The following SNTG1 variants were observed in gnomAD, a reference collection of about 807,000 sequenced individuals.
The protein encoded by SNTG1 is gamma-1-syntrophin.
Under a neutral mutation model 74.7 loss-of-function variants are expected in SNTG1, and 39 were observed. The observed-to-expected ratio is 0.52, with a 90% CI of 0.40 to 0.68. The LOEUF is 0.68. SNTG1 is among the 30% of genes least tolerant of loss of function. The probability of loss-of-function intolerance (pLI) is 0.00; values close to 1 mark genes in which losing one functional copy is unlikely to be tolerated. For synonymous variants in SNTG1, 254 were observed against 217.1 expected (o/e 1.17, Z -1.49); for missense variants, 685 against 609.5 (o/e 1.12, Z -1.30).
intron 1 of SNTG1, among the ~76,000 whole-genome samples, chr8:49,916,676 G>T (rs1188325121): frequency 1.3e-5 from 2 of 151,994 alleles, no homozygotes; most frequent in East Asian, 3.9e-4. Context: ...TTTAGAAATG[G>T]TGCCAAAATT....
chr8:50,696,207 C>T (rs553868105), intron 15 of SNTG1, among the ~76,000 whole-genome samples: 1 of 152,082 alleles, frequency 6.6e-6, no homozygotes, highest in African/African-American at 2.4e-5. Context: ...TTGAATTTAT[C>T]TTATGATTGG....
rs1227306620 is a variant in SNTG1, at chr8:50,214,431, T to TA, written c.-28+41802dup. 2.0e-5 allele frequency among the ~76,000 whole-genome samples: 3 copies of TA among 151,654 alleles called. 1 individual carries two copies. The South Asian group carries it at 6.2e-4, about 31-fold the overall frequency. On this transcript the variant is annotated intron_variant, in intron 2 of 18. Coordinates refer to ENST00000642720, the MANE Select transcript of SNTG1 (RefSeq NM_018967.5). ...AATAATAATAAAATAAAAATAAAAA[T>TA]AAAAAATGAAAAAAATCAAAATTTT...
intron 12 of SNTG1, among the ~76,000 whole-genome samples, chr8:50,580,209 T>C (rs571301835): frequency 6.6e-6 from 1 of 152,344 alleles, no homozygotes. Context: ...TTTAGCCCCT[T>C]TGTTTTGACA....
intron 3 of SNTG1, among the ~76,000 whole-genome samples, chr8:50,401,225 T>G (rs574105326): frequency 9.2e-5 from 14 of 152,294 alleles, no homozygotes; most frequent in Non-Finnish European, 1.5e-5. Flanking sequence ...TCCTATGGAC[T>G]TTTTGGTGCC....
chr8:50,614,647 T>C (rs2094874416), intron 13 of SNTG1, among the ~76,000 whole-genome samples: 1 of 152,262 alleles, frequency 6.6e-6, no homozygotes, highest in Admixed American at 6.5e-5. Flanking sequence ...CATGAGTAAA[T>C]TTTAATTATA....
chr8:50,601,814 G>A (rs913289234), intron 13 of SNTG1, among the ~76,000 whole-genome samples: 10 of 152,022 alleles, frequency 6.6e-5, no homozygotes, highest in Admixed American at 2.6e-4. Flanking sequence ...GGTACTGGGT[G>A]CATATGTAAT....
At position 50,442,856 on chromosome 8, in the gene SNTG1, C is replaced by T. The variant is rs963315244; in HGVS notation, c.219+4257C>T. Among the ~76,000 whole-genome samples the T allele has an allele frequency of 6.6e-5, 10 of 152,224 alleles. No homozygotes were observed. In the South Asian group the frequency reaches 1.0e-3, roughly 16 times the overall value. ...TCAGGCAGAAACTGCTCCTTTGAAG[C>T]GGGCAGATTCAGCAGGCTAGTGGCA... On this transcript the variant is annotated intron_variant, in intron 5 of 18. Transcript: ENST00000642720.
intron 2 of SNTG1, among the ~76,000 whole-genome samples, chr8:50,216,584 A>G (rs2084803312): frequency 6.6e-6 from 1 of 152,072 alleles, no homozygotes; most frequent in Non-Finnish European, 1.5e-5. Flanking sequence ...TTTGCTTTAG[A>G]TTTTATCTGA....
At chr8:50,662,638 G>A (rs1159705873) in intron 15 of SNTG1, among the ~76,000 whole-genome samples, 5 of 152,132 alleles carry the variant, frequency 3.3e-5, no homozygotes, top group South Asian at 2.1e-4. Flanking sequence ...GTCTCTCAGC[G>A]TAAATATTGA....
At chr8:50,233,330 T>C (rs938912601) in intron 2 of SNTG1, among the ~76,000 whole-genome samples, 1 of 151,544 alleles carries the variant, frequency 6.6e-6, no homozygotes. Context: ...TTTCAAAAAA[T>C]GGTGCTGGTA....
chr8:50,540,213 A>T (rs2094336572), intron 11 of SNTG1, among the ~76,000 whole-genome samples: 1 of 152,182 alleles, frequency 6.6e-6, no homozygotes, highest in African/African-American at 2.4e-5. Flanking sequence ...ATATTCATGT[A>T]TTTTAAAAAA....
chr8:50,668,041 A>T (rs2095259117), intron 15 of SNTG1, among the ~76,000 whole-genome samples: 1 of 152,056 alleles, frequency 6.6e-6, no homozygotes. Context: ...CGTTCTGTCT[A>T]TGAACATGCC....
At chr8:50,615,071 T>C (rs1209801261) in intron 13 of SNTG1, among the ~76,000 whole-genome samples, 1 of 151,620 alleles carries the variant, frequency 6.6e-6, no homozygotes, top group Non-Finnish European at 1.5e-5. Flanking sequence ...GCCTCCCGAG[T>C]AGCTAGGACT....
intron 1 of SNTG1, among the ~76,000 whole-genome samples, chr8:50,109,544 T>C (rs968259914): frequency 6.6e-6 from 1 of 152,174 alleles, no homozygotes; most frequent in African/African-American, 2.4e-5. Flanking sequence ...TTAGCAAATG[T>C]TCATATGATA....
intron 1 of SNTG1, among the ~76,000 whole-genome samples, chr8:50,045,548 G>T (rs971544805): frequency 3.3e-5 from 5 of 152,024 alleles, no homozygotes; most frequent in African/African-American, 1.2e-4. Flanking sequence ...AAGATTTAGG[G>T]GGGACAACAT....
chr8:50,271,877 G>T (rs1052078388), intron 2 of SNTG1, among the ~76,000 whole-genome samples: 7 of 152,146 alleles, frequency 4.6e-5, no homozygotes, highest in Admixed American at 1.3e-4. Context: ...ATTAGGAGGT[G>T]GAGCCTTTTG....
intron 13 of SNTG1, among the ~76,000 whole-genome samples, chr8:50,604,735 C>G (rs1198665802): frequency 6.6e-6 from 1 of 152,110 alleles, no homozygotes; most frequent in Non-Finnish European, 1.5e-5. Context: ...TGGTGCTCTA[C>G]CCCATTGTGG....
chr8:50,649,363 A>G (rs1251013322), intron 13 of SNTG1, among the ~76,000 whole-genome samples: 1 of 152,020 alleles, frequency 6.6e-6, no homozygotes, highest in African/African-American at 2.4e-5. Flanking sequence ...GCCGGACGTT[A>G]TGGTGCGTGC....
At chr8:49,923,644 A>G (rs2129346321) in intron 1 of SNTG1, among the ~76,000 whole-genome samples, 1 of 152,220 alleles carries the variant, frequency 6.6e-6, no homozygotes, top group South Asian at 2.1e-4. Flanking sequence ...ATCTCAGACT[A>G]TATTATAACT....
Sources: allele counts gnomAD v4.1 joint callset (sites outside exome capture counted in the v4.1 genomes callset), GRCh38; gene constraint gnomAD v4.1.1; transcripts MANE v1.5; gene names NCBI Gene and HGNC (gene_info 2026-07-23, HGNC 2026-07-21).